ODAD3: variants seen among roughly 807,000 people sequenced by gnomAD.
The protein encoded by ODAD3 is outer dynein arm docking complex subunit 3, also known as outer dynein arm-docking complex subunit 3.
In ODAD3, 57 loss-of-function variants were observed where a neutral mutation model predicts 70.9. The observed-to-expected ratio is 0.80, with a 90% CI of 0.65 to 1.00. The LOEUF is 1.00. Ranked by LOEUF, ODAD3 falls within the 50% of genes least tolerant of loss-of-function variation. ODAD3 has a pLI of 0.00. For synonymous variants in ODAD3, 327 were observed against 315.9 expected, an observed-to-expected ratio of 1.04 and a Z score of -0.37; for missense variants, 797 against 763.9, an observed-to-expected ratio of 1.04 and a Z score of -0.51.
intron 3 of ODAD3, 23 bp from the exon 4 acceptor site, chr19:11,427,063 A>C (rs1220063908): frequency 1.3e-6 from 2 of 1,549,610 alleles, no homozygotes; most frequent in African/African-American, 2.7e-5. Context: ...GGGGAGCGAA[A>C]GCAGGAGCCT....
At chr19:11,425,434 T>C (rs1302573816) in intron 7 of ODAD3, among the ~76,000 whole-genome samples, 1 of 142,556 alleles carries the variant, frequency 7.0e-6, no homozygotes, top group Middle Eastern at 4.2e-3. Context: ...TACACATATG[T>C]GTATATGTAT....
At chr19:11,429,121 C>T (rs1294690766) in intron 3 of ODAD3, among the ~76,000 whole-genome samples, 1 of 151,864 alleles carries the variant, frequency 6.6e-6, no homozygotes, top group African/African-American at 2.4e-5. Context: ...TCAGGTGATC[C>T]GCCCGCCTCA....
intron 1 of ODAD3, among the ~76,000 whole-genome samples, chr19:11,432,073 T>C (rs1469379766): frequency 6.6e-6 from 1 of 151,944 alleles, no homozygotes; most frequent in Non-Finnish European, 1.5e-5. Flanking sequence ...ATCCTGCCAC[T>C]GCACTCCAGC....
intron 8 of ODAD3, among the ~76,000 whole-genome samples, chr19:11,423,222 G>A (rs1332591628): frequency 6.6e-6 from 1 of 152,176 alleles, no homozygotes; most frequent in Non-Finnish European, 1.5e-5. Context: ...GGAGCCATCC[G>A]CTCACAAGGC....
intron 3 of ODAD3, among the ~76,000 whole-genome samples, chr19:11,428,098 T>C (rs1969424399): frequency 6.8e-6 from 1 of 146,012 alleles, no homozygotes; most frequent in Non-Finnish European, 1.5e-5. Flanking sequence ...AGACTCTGTC[T>C]CAAAAAAAAA....
upstream of ODAD3, chr19:11,435,682 A>G: frequency 7.7e-7 from 1 of 1,306,252 alleles, no homozygotes; most frequent in South Asian, 1.2e-5. Flanking sequence ...GGTGCGGTGG[A>G]TACTGACCTT....
At chr19:11,423,342 C>G (rs1012899273) in intron 8 of ODAD3, among the ~76,000 whole-genome samples, 2 of 152,278 alleles carry the variant, frequency 1.3e-5, no homozygotes, top group East Asian at 3.9e-4. Context: ...GGAGGAGCAG[C>G]AGGTTGGCGG....
intron 1 of ODAD3, among the ~76,000 whole-genome samples, chr19:11,433,728 A>C (rs1190249762): frequency 6.6e-6 from 1 of 152,026 alleles, no homozygotes; most frequent in African/African-American, 2.4e-5. Flanking sequence ...GGAGTTTGAG[A>C]CCAGCCTGGG....
At chr19:11,434,709 C>T in intron 1 of ODAD3, 64 bp downstream of exon 1, 3 of 1,535,766 alleles carry the variant, frequency 2.0e-6, no homozygotes, top group African/African-American at 1.4e-5. Flanking sequence ...ACCTTTGTCA[C>T]ACCATGAAGA....
At chr19:11,434,696 A>G in intron 1 of ODAD3, 77 bp downstream of exon 1, 1 of 1,517,864 alleles carries the variant, frequency 6.6e-7, no homozygotes, top group Non-Finnish European at 8.9e-7. Flanking sequence ...ATGCTGGAGA[A>G]ATACCTTTGT....
rs750456071 is a variant in ODAD3, at chr19:11,420,889, A to G, written c.1734T>C (p.Arg578=). ...TGTGACTTTCGATTAATTTCTGGGA[A>G]CGGATCTTGAGTGATGCGCGGGTCA... ...EVVTRASLKI[R]SQKLIESHKK... is the part of the protein sequence containing the mutation. Residue 578 remains arginine, a synonymous_variant, in exon 13 of 13, where the codon CGT becomes CGC. Transcript: ENST00000356392. 3.1e-6 allele frequency: 5 copies of G among 1,612,506 alleles called. No individual in the cohort carries two copies. Among genetic ancestry groups the G allele is most frequent in the Non-Finnish European group, 2.5e-6 (3 of 1,179,364 alleles).
intron 3 of ODAD3, among the ~76,000 whole-genome samples, chr19:11,429,170 C>T (rs1021612666): frequency 2.0e-5 from 3 of 151,948 alleles, no homozygotes; most frequent in Non-Finnish European, 4.4e-5. Context: ...TGAGCCACCG[C>T]GCCCGGCCTT....
chr19:11,428,693 C>G (rs554168856), intron 3 of ODAD3, among the ~76,000 whole-genome samples: 1 of 152,172 alleles, frequency 6.6e-6, no homozygotes, highest in East Asian at 1.9e-4. Flanking sequence ...GGACTACAAT[C>G]CTGTGCCACC....
chr19:11,424,382 G>C lies in ODAD3; in HGVS notation c.964-353C>G, dbSNP rs578023013. Among the ~76,000 whole-genome samples the C allele has an allele frequency of 4.6e-5, 7 of 151,708 alleles. No individual in the cohort carries two copies. The South Asian group carries it at 1.5e-3, about 31-fold the overall frequency. On this transcript the variant is annotated intron_variant, in intron 7 of 12. Coordinates refer to ENST00000356392, the MANE Select transcript of ODAD3 (RefSeq NM_145045.5). ...AGCAGGGCGTGGTGGGGCGCCTGAAGTCCCAGCTACTTGGGAGGCTGAGGT... is the reference window on the plus strand; with the variant it reads ...AGCAGGGCGTGGTGGGGCGCCTGAACTCCCAGCTACTTGGGAGGCTGAGGT...
At chr19:11,435,772 G>T (rs931960011), upstream of ODAD3, 1 of 1,393,542 alleles carries the variant, frequency 7.2e-7, no homozygotes, top group Non-Finnish European at 9.5e-7. Context: ...GAGGGTGCAT[G>T]TGTGGGTGTG....
intron 1 of ODAD3, among the ~76,000 whole-genome samples, chr19:11,433,781 G>C (rs1379629633): frequency 6.6e-6 from 1 of 152,102 alleles, no homozygotes; most frequent in Non-Finnish European, 1.5e-5. Context: ...AAGAAAATTA[G>C]CCAAGCACAG....
rs1969165999 is a variant in ODAD3 at position 11,422,627 on chromosome 19, G to A, written c.1278C>T (p.Ser426=). 1.9e-6 allele frequency: 3 copies of A among 1,601,040 alleles called. No individual in the cohort carries two copies. Among genetic ancestry groups the A allele is most frequent in the African/African-American group, 2.7e-5 (2 of 74,786 alleles). Residue 426 remains serine (S), a splice_region_variant and synonymous_variant, in exon 10 of 13, where the codon AGC becomes AGT. Coordinates refer to ENST00000356392, the MANE Select transcript of ODAD3 (RefSeq NM_145045.5). The surrounding 1 kb of genome is among the most constrained non-coding windows in gnomAD (Gnocchi z 4.6). ...GCGCCTCGGCTTGCAGTTTCTGCTG[G>A]CTGCAGGGAGCCGGGAGGTCACCCC... ...LKYSGEATLV[S]QQKLQAEAQE...
rs1380483373 is a variant in ODAD3 at position 11,422,423 on chromosome 19, C to T, written c.1434+48G>A. On this transcript the variant is annotated intron_variant, in intron 10 of 12. Transcript: ENST00000356392. The surrounding 1 kb of genome is among the most constrained non-coding windows in gnomAD (Gnocchi z 4.6). ...GGAACCCCGCTTCGTGGCTGCGCCTCTGCGGTCCCAGGAGGGCCTGTCGGG... is the reference window on the plus strand; with the variant it reads ...GGAACCCCGCTTCGTGGCTGCGCCTTTGCGGTCCCAGGAGGGCCTGTCGGG... 1 of 1,485,096 alleles carries T rather than the reference C, an allele frequency of 6.7e-7. No homozygotes were observed. The highest frequency in any genetic ancestry group is 1.3e-5 in the South Asian group (1 of 74,322). The allele number at this position is 1,485,096 out of a possible 1,614,324, so 92.0% of individuals were successfully genotyped here.
rs1169520053 is a variant in ODAD3, at chr19:11,425,176, CAT to C, written c.963+966_963+967del. Among the ~76,000 whole-genome samples the C allele has an allele frequency of 9.0e-5, 10 of 111,702 alleles. 1 individual carries two copies. Among genetic ancestry groups the C allele is most frequent in the South Asian group, 3.0e-4 (1 of 3,308 alleles). The allele number at this position is 111,702 out of a possible 152,430, so 73.3% of individuals were successfully genotyped here. A position where few individuals can be genotyped will look rare whatever the true frequency, so the allele number is the denominator to read the frequency against. Reference sequence around the variant, plus strand: ...GTATATATACATATGTGTATATGTACATATGTGTATATATACATATGTGTATG... The same window carrying C: ...GTATATATACATATGTGTATATGTACATGTGTATATATACATATGTGTATG... On this transcript the variant is annotated intron_variant, in intron 7 of 12. Transcript: ENST00000356392.
Sources: gnomAD v4.1 joint callset for allele counts (sites outside exome capture counted in the v4.1 genomes callset) on GRCh38, gnomAD v4.1.1 for gene constraint, Gnocchi (gnomAD v3.1) non-coding constraint, MANE v1.5 for transcripts, NCBI Gene and HGNC (gene_info 2026-07-23, HGNC 2026-07-21) for gene names.